The following NSMAF variants were observed in gnomAD, a reference collection of about 807,000 sequenced individuals.
NSMAF encodes the protein protein FAN.
Under a neutral mutation model 134.9 loss-of-function variants are expected in NSMAF, and 90 were observed. That is an observed-to-expected ratio of 0.67 (90% CI 0.56 to 0.79). The LOEUF is 0.79. NSMAF is among the 30% of genes least tolerant of loss of function. The pLI is 0.00. For missense variants in NSMAF, 1,010 were observed against 1,119.0 expected, an observed-to-expected ratio of 0.90 and a Z score of 1.39; for synonymous variants, 358 against 389.6, an observed-to-expected ratio of 0.92 and a Z score of 0.96.
intron 9 of NSMAF, among the ~76,000 whole-genome samples, chr8:58,617,813 A>G (rs1484963934): frequency 6.6e-6 from 1 of 152,240 alleles, no homozygotes; most frequent in Non-Finnish European, 1.5e-5. Context: ...ATTACTGGGT[A>G]TATACCCAAA....
At chr8:58,594,086 T>G (rs1806078160) in intron 23 of NSMAF, 146 bp downstream of exon 23, 1 of 639,730 alleles carries the variant, frequency 1.6e-6, no homozygotes, top group Non-Finnish European at 2.8e-6. Context: ...TGAAACTCTA[T>G]GTAATGTACC....
intron 2 of NSMAF, among the ~76,000 whole-genome samples, chr8:58,640,322 A>T (rs886500452): frequency 2.0e-5 from 3 of 152,226 alleles, no homozygotes; most frequent in African/African-American, 7.2e-5. Context: ...TACAATTTTT[A>T]TTCATCAATT....
At chr8:58,622,321 C>T (rs1806804960) in intron 9 of NSMAF, among the ~76,000 whole-genome samples, 1 of 151,988 alleles carries the variant, frequency 6.6e-6, no homozygotes, top group African/African-American at 2.4e-5. Flanking sequence ...GCAGCCTCGA[C>T]CTCCTGGGCT....
chr8:58,635,310 GA>G lies in NSMAF; in HGVS notation c.290del (p.Phe97SerfsTer30). ...KHGENGANRH[F>X]TKAKSGGISL... ...CAGTGGTGAAAATGACATACTTTGT[GA>G]AGTGTCTATTGGCTCCATTTTCTCC... On this transcript the variant is annotated frameshift_variant, in exon 4 of 31. Transcript: ENST00000038176. LOFTEE classifies it high-confidence loss of function. 1 of 1,611,254 alleles carries G rather than the reference GA, an allele frequency of 6.2e-7. No homozygotes were observed. Among genetic ancestry groups the G allele is most frequent in the Non-Finnish European group, 8.5e-7 (1 of 1,178,602 alleles).
chr8:58,585,564 C>CA, intron 30 of NSMAF, 88 bp downstream of exon 30: 3 of 994,978 alleles, frequency 3.0e-6, no homozygotes, highest in East Asian at 4.8e-5. Context: ...GTTTTTTGCC[C>CA]AAAAAGAGTA....
In NSMAF at chr8:58,583,994, T is replaced by A. The variant is rs1052123372; in HGVS notation, c.*112A>T. On this transcript the variant is annotated 3_prime_UTR_variant, in exon 31 of 31. Coordinates refer to ENST00000038176, the MANE Select transcript of NSMAF (RefSeq NM_003580.4). ...AAAGTTTAAAACCACAAATTTTCCA[T>A]GTGGTAAAACTTCTAATTACTAACA... The A allele has an allele frequency of 1.9e-5, 16 of 837,036 alleles. No homozygotes were observed. In the African/African-American group the frequency reaches 2.4e-4, roughly 13 times the overall value. The allele number at this position is 837,036 out of a possible 1,614,324, so 51.9% of individuals were successfully genotyped here. A position where few individuals can be genotyped will look rare whatever the true frequency, so the allele number is the denominator to read the frequency against.
In NSMAF at chr8:58,590,071, A is replaced by G. The variant is rs145313280; in HGVS notation, c.2023T>C (p.Leu675=). 5 of 1,612,676 alleles carry G rather than the reference A, an allele frequency of 3.1e-6. No individual in the cohort carries two copies. In the African/African-American group the frequency reaches 6.7e-5, roughly 22 times the overall value. The change falls in exon 25 of 31, where the codon TTA becomes CTA. Residue 675 remains leucine, a synonymous_variant. Transcript: ENST00000038176. ...CCTGGTAAAAGTAAACAAGACGATA[A>G]AGCCTGAAATACAAATGATTTGACG... ...QRSISFSNMA[L]SSCLLLPGDA...
At chr8:58,599,453 AG>A in intron 18 of NSMAF, 90 bp from the exon 19 acceptor site, 3 of 1,374,172 alleles carry the variant, frequency 2.2e-6, no homozygotes, top group Non-Finnish European at 3.0e-6. Context: ...TAAAGCTTCT[AG>A]GACAGGCAAG....
At chr8:58,590,794 T>C in intron 24 of NSMAF, 73 bp downstream of exon 24, 1 of 1,378,054 alleles carries the variant, frequency 7.3e-7, no homozygotes, top group African/African-American at 1.5e-5. Context: ...AGAAATAAAG[T>C]ATTATTGTAT....
Position 58,631,552 on chromosome 8 carries a change from C to G in NSMAF, c.334-6G>C. 7.0e-7 allele frequency: 1 copy of G among 1,437,672 alleles called. No homozygotes were observed. The highest frequency in any genetic ancestry group is 9.5e-7 in the Non-Finnish European group (1 of 1,054,060). The allele number at this position is 1,437,672 out of a possible 1,614,324, so 89.1% of individuals were successfully genotyped here. ...TGTTCTTTAATGAAATATACCTGAG[C>G]AAGAAAAAGCAATACTTGTAAAATA... On this transcript the variant is annotated splice_region_variant and splice_polypyrimidine_tract_variant and intron_variant, in intron 5 of 30. Coordinates refer to ENST00000038176, the MANE Select transcript of NSMAF (RefSeq NM_003580.4).
intron 26 of NSMAF, chr8:58,588,683 G>A (rs981154325): frequency 1.2e-5 from 18 of 1,540,554 alleles, no homozygotes; most frequent in Non-Finnish European, 1.4e-5. Flanking sequence ...GGCATGCATC[G>A]GGCACAGTTA....
intron 6 of NSMAF, chr8:58,631,237 TATTC>T (rs1287125178): frequency 5.0e-5 from 15 of 299,878 alleles, no homozygotes; most frequent in Non-Finnish European, 8.7e-5. Context: ...AAATAATGCA[TATTC>T]TGATTTTAAT....
intron 1 of NSMAF, among the ~76,000 whole-genome samples, chr8:58,646,729 G>T (rs764744893): frequency 6.6e-6 from 1 of 151,792 alleles, no homozygotes; most frequent in African/African-American, 2.4e-5. Flanking sequence ...CGGAGTAAAA[G>T]AGTCCATGCT....
At chr8:58,625,941 G>A (rs929390852) in intron 6 of NSMAF, among the ~76,000 whole-genome samples, 1 of 151,388 alleles carries the variant, frequency 6.6e-6, no homozygotes, top group African/African-American at 2.4e-5. Flanking sequence ...AGTTTTTGTG[G>A]TACAGGTGGT....
chr8:58,623,034 A>G (rs1806824324), intron 9 of NSMAF, among the ~76,000 whole-genome samples, 186 bp downstream of exon 9: 1 of 152,176 alleles, frequency 6.6e-6, no homozygotes, highest in South Asian at 2.1e-4. Context: ...TGACTGACAG[A>G]CATCAGGATG....
At chr8:58,657,397 A>AAGTTTTCCAAGAAAAGTAAC (rs373021957) in intron 1 of NSMAF, among the ~76,000 whole-genome samples, 2,746 of 152,232 alleles carry the variant, frequency 0.018, 103 homozygotes, top group African/African-American at 0.062. Context: ...ACCCCTCTTC[A>AAGTTTTCCAAGAAAAGTAAC]AGTTTTCCAA....
At chr8:58,656,949 C>T (rs947673508) in intron 1 of NSMAF, among the ~76,000 whole-genome samples, 3 of 152,014 alleles carry the variant, frequency 2.0e-5, no homozygotes, top group Admixed American at 6.6e-5. Flanking sequence ...CATATACTAT[C>T]GCAATTACTT....
chr8:58,595,264 A>C (rs538075293), intron 22 of NSMAF, among the ~76,000 whole-genome samples: 120 of 152,260 alleles, frequency 7.9e-4, no homozygotes, highest in Non-Finnish European at 1.5e-3. Flanking sequence ...TGTGTACTCC[A>C]ATTTGAGAGG....
intron 7 of NSMAF, 53 bp from the exon 8 acceptor site, chr8:58,623,477 G>A: frequency 1.3e-6 from 2 of 1,547,604 alleles, no homozygotes; most frequent in Non-Finnish European, 1.8e-6. Context: ...ATGATATGAA[G>A]TATTTCTTTA....
Sources: gnomAD v4.1 joint callset for allele counts (sites outside exome capture counted in the v4.1 genomes callset) on GRCh38, gnomAD v4.1.1 for gene constraint, MANE v1.5 for transcripts, NCBI Gene and HGNC (gene_info 2026-07-23, HGNC 2026-07-21) for gene names.